CATSPERT: variants seen among roughly 807,000 people sequenced by gnomAD.
CATSPERT encodes the protein cation channel sperm-associated targeting subunit tau.
chr2:201,601,628 C>T, the CATSPERT span: 1 of 1,022,504 alleles, frequency 9.8e-7, no homozygotes, highest in Non-Finnish European at 1.4e-6. Flanking sequence ...TAAAAAGGCA[C>T]TTACTGCTTT....
chr2:201,554,647 T>A, the CATSPERT span: 2 of 152,200 alleles, frequency 1.3e-5, no homozygotes, highest in Non-Finnish European at 2.9e-5. Flanking sequence ...CTCCAAAGAA[T>A]CATATATATG....
chr2:201,589,419 G>A, the CATSPERT span, among the ~76,000 whole-genome samples: 1 of 152,026 alleles, frequency 6.6e-6, no homozygotes, highest in Non-Finnish European at 1.5e-5. Flanking sequence ...ATAGACCAAA[G>A]GAACAGAACA....
chr2:201,571,619 A>T, the CATSPERT span, among the ~76,000 whole-genome samples: 1 of 152,114 alleles, frequency 6.6e-6, no homozygotes, highest in African/African-American at 2.4e-5. Context: ...CTCTTTTCCC[A>T]AAAGGGGTAT....
At chr2:201,578,898 T>A in the CATSPERT span, among the ~76,000 whole-genome samples, 1 of 152,172 alleles carries the variant, frequency 6.6e-6, no homozygotes, top group Non-Finnish European at 1.5e-5. Context: ...CCAAAATATT[T>A]TTGAGAATCT....
chr2:201,532,263 GA>G, the CATSPERT span, among the ~76,000 whole-genome samples: 1 of 152,090 alleles, frequency 6.6e-6, no homozygotes, highest in African/African-American at 2.4e-5. Context: ...AGCTCCACAA[GA>G]ACATTTATTT....
chr2:201,523,618 C>G, the CATSPERT span, among the ~76,000 whole-genome samples: 2 of 148,952 alleles, frequency 1.3e-5, no homozygotes, highest in Non-Finnish European at 3.0e-5. Context: ...ACTGCACTAG[C>G]TCCCCAGCAA....
the CATSPERT span, among the ~76,000 whole-genome samples, chr2:201,499,724 C>G: frequency 6.6e-6 from 1 of 151,750 alleles, no homozygotes; most frequent in Non-Finnish European, 1.5e-5. Context: ...GTCCCAGCTA[C>G]TCAGGAGGCT....
chr2:201,568,406 G>T, the CATSPERT span, among the ~76,000 whole-genome samples: 1 of 152,246 alleles, frequency 6.6e-6, no homozygotes, highest in East Asian at 1.9e-4. Context: ...AAGGTGTATT[G>T]CTCACCTTGT....
chr2:201,599,360 A>AT, the CATSPERT span, among the ~76,000 whole-genome samples: 484 of 151,082 alleles, frequency 3.2e-3, 6 homozygotes, highest in African/African-American at 0.01. Flanking sequence ...TTATTCATTG[A>AT]TTTTTTTTTA....
At chr2:201,603,541 A>G in the CATSPERT span, among the ~76,000 whole-genome samples, 1 of 152,254 alleles carries the variant, frequency 6.6e-6, no homozygotes, top group Non-Finnish European at 1.5e-5. Flanking sequence ...CATTATTAAC[A>G]TAAATCTGAT....
At chr2:201,494,640 G>T in the CATSPERT span, 2 of 1,537,092 alleles carry the variant, frequency 1.3e-6, no homozygotes, top group Non-Finnish European at 1.7e-6. Context: ...CATGCTCTAT[G>T]ACCTCTGCAC....
the CATSPERT span, among the ~76,000 whole-genome samples, chr2:201,542,499 G>C: frequency 0.013 from 1,955 of 151,734 alleles, 23 homozygotes; most frequent in South Asian, 0.015. Flanking sequence ...AGTGTACTAG[G>C]GTTCAAATTT....
the CATSPERT span, among the ~76,000 whole-genome samples, chr2:201,594,099 T>G: frequency 6.6e-6 from 1 of 152,346 alleles, no homozygotes; most frequent in South Asian, 2.1e-4. Flanking sequence ...TTTGGCATGA[T>G]TTTGCAGCAG....
the CATSPERT span, chr2:201,491,136 A>G: frequency 6.7e-7 from 1 of 1,488,202 alleles, no homozygotes; most frequent in Non-Finnish European, 8.9e-7. Context: ...TTTGCCAAAT[A>G]CAGAAGTAGA....
chr2:201,586,529 A>G, the CATSPERT span, among the ~76,000 whole-genome samples: 15 of 152,130 alleles, frequency 9.9e-5, no homozygotes, highest in African/African-American at 3.6e-4. Flanking sequence ...AGATGTAGAT[A>G]AAATAAAAAG....
chr2:201,491,217 C>T, the CATSPERT span: 1 of 1,537,370 alleles, frequency 6.5e-7, no homozygotes, highest in Middle Eastern at 1.7e-4. Context: ...TTGGAACAGA[C>T]TTCTTTAGGT....
At chr2:201,545,649 A>AAAAAG in the CATSPERT span, 3 of 831,892 alleles carry the variant, frequency 3.6e-6, no homozygotes, top group Admixed American at 3.1e-5. Flanking sequence ...AAAAAAAAAA[A>AAAAAG]AAAAGAAAAA....
At chr2:201,604,786 A>G in the CATSPERT span, 1 of 936,792 alleles carries the variant, frequency 1.1e-6, no homozygotes, top group African/African-American at 1.7e-5. Flanking sequence ...ATGAATCTCT[A>G]GTAAGTGTCA....
At chr2:201,611,878 T>C in the CATSPERT span, among the ~76,000 whole-genome samples, 1 of 152,232 alleles carries the variant, frequency 6.6e-6, no homozygotes, top group African/African-American at 2.4e-5. Flanking sequence ...CTAGTGGTAC[T>C]ACTAAGTATA....
Sources: allele counts gnomAD v4.1 joint callset (sites outside exome capture counted in the v4.1 genomes callset), GRCh38; gene constraint gnomAD v4.1.1; transcripts MANE v1.5; gene names NCBI Gene and HGNC (gene_info 2026-07-23, HGNC 2026-07-21).